Variants in CPQ observed in about 807,000 individuals in gnomAD.
CPQ encodes the protein carboxypeptidase Q.
CPQ carries 37 observed loss-of-function variants against 45.7 expected under a neutral mutation model. That is an observed-to-expected ratio of 0.81 (90% CI 0.62 to 1.07). CPQ has a LOEUF of 1.07. Ranked by LOEUF, CPQ falls within the 50% of genes least tolerant of loss-of-function variation. The pLI, the probability that CPQ is intolerant of heterozygous loss-of-function variation, is 0.00. For synonymous variants in CPQ, 186 were observed against 205.8 expected, an observed-to-expected ratio of 0.90 and a Z score of 0.82; for missense variants, 537 against 572.9, an observed-to-expected ratio of 0.94 and a Z score of 0.64.
intron 2 of CPQ, among the ~76,000 whole-genome samples, chr8:96,791,471 A>G (rs965708240): frequency 2.2e-4 from 34 of 152,102 alleles, no homozygotes; most frequent in African/African-American, 8.2e-4. Flanking sequence ...CCTGCCTGGT[A>G]TTGAAAACTA....
At chr8:96,681,713 G>A (rs1026710092) in intron 1 of CPQ, among the ~76,000 whole-genome samples, 14 of 152,168 alleles carry the variant, frequency 9.2e-5, no homozygotes, top group Non-Finnish European at 1.5e-4. Flanking sequence ...CATGCACCTG[G>A]AAAAGCTGCA....
intron 3 of CPQ, among the ~76,000 whole-genome samples, chr8:96,861,448 T>C (rs1363268228): frequency 6.6e-6 from 1 of 152,040 alleles, no homozygotes; most frequent in East Asian, 1.9e-4. Context: ...GTTTAGGTCA[T>C]TAAGCTTACA....
At chr8:96,689,925 C>T (rs945424335) in intron 1 of CPQ, among the ~76,000 whole-genome samples, 3 of 151,924 alleles carry the variant, frequency 2.0e-5, no homozygotes, top group South Asian at 2.1e-4. Flanking sequence ...AAATTTGTGT[C>T]CTTCATAATT....
chr8:97,080,297 C>G (rs1233871914), intron 7 of CPQ, among the ~76,000 whole-genome samples: 3 of 152,160 alleles, frequency 2.0e-5, no homozygotes, highest in African/African-American at 7.2e-5. Flanking sequence ...ATTAGACATA[C>G]TTAATCTGCT....
intron 1 of CPQ, among the ~76,000 whole-genome samples, chr8:96,661,582 A>G (rs779296290): frequency 2.6e-5 from 4 of 152,086 alleles, no homozygotes; most frequent in Admixed American, 6.6e-5. Context: ...AGTAATATGC[A>G]TTTACTTCTC....
rs555131583 is a variant in CPQ, at chr8:97,137,599, A to G, written c.1256-5421A>G. ...AGCTACTACCAGAGTAAACATACAGATTTGTCTCCCCTGGGTGTGCTGTGA... is the reference window on the plus strand; with the variant it reads ...AGCTACTACCAGAGTAAACATACAGGTTTGTCTCCCCTGGGTGTGCTGTGA... On this transcript the variant is annotated intron_variant, in intron 7 of 7. Coordinates refer to ENST00000220763, the MANE Select transcript of CPQ (RefSeq NM_016134.4). Among the ~76,000 whole-genome samples, 18 of 152,288 alleles carry G rather than the reference A, an allele frequency of 1.2e-4. No homozygotes were observed. The East Asian group carries it at 3.3e-3, about 28-fold the overall frequency.
intron 3 of CPQ, among the ~76,000 whole-genome samples, chr8:96,877,018 A>C (rs928803841): frequency 6.6e-6 from 1 of 152,232 alleles, no homozygotes; most frequent in Non-Finnish European, 1.5e-5. Flanking sequence ...TTAATCTTTA[A>C]ATCTTATTTA....
intron 1 of CPQ, among the ~76,000 whole-genome samples, chr8:96,695,037 C>A (rs1166093757): frequency 2.6e-5 from 4 of 151,418 alleles, no homozygotes; most frequent in Non-Finnish European, 5.9e-5. Flanking sequence ...TGACTTCAAA[C>A]TATACTACAA....
chr8:97,133,266 C>T (rs1811990741), intron 7 of CPQ: 1 of 152,070 alleles, frequency 6.6e-6, no homozygotes, highest in Non-Finnish European at 1.5e-5. Flanking sequence ...CCCAATACTC[C>T]TCATACCTAG....
intron 4 of CPQ, among the ~76,000 whole-genome samples, chr8:96,889,891 C>T (rs1028109150): frequency 9.9e-5 from 15 of 152,212 alleles, no homozygotes; most frequent in Non-Finnish European, 1.9e-4. Flanking sequence ...TGCCTCTTCC[C>T]GTCCACTGAC....
At chr8:96,819,920 G>T (rs1368584289) in intron 2 of CPQ, among the ~76,000 whole-genome samples, 1 of 152,048 alleles carries the variant, frequency 6.6e-6, no homozygotes, top group Non-Finnish European at 1.5e-5. Context: ...TGAAACCTCT[G>T]CTCTTCTCTG....
chr8:96,694,701 T>TA (rs952898281), intron 1 of CPQ, among the ~76,000 whole-genome samples: 2 of 150,380 alleles, frequency 1.3e-5, no homozygotes, highest in Admixed American at 6.6e-5. Flanking sequence ...ATTAGGAAAT[T>TA]AAAAAAAAAT....
chr8:96,970,788 C>A (rs1296359532), intron 5 of CPQ, among the ~76,000 whole-genome samples: 1 of 152,130 alleles, frequency 6.6e-6, no homozygotes. Context: ...TGGTCTCTAT[C>A]TCCTGACCTC....
chr8:96,829,451 C>A (rs1442050759), intron 2 of CPQ, among the ~76,000 whole-genome samples: 1 of 152,028 alleles, frequency 6.6e-6, no homozygotes, highest in Non-Finnish European at 1.5e-5. Context: ...TTTTCCTTTT[C>A]TTCCTGGAAT....
At chr8:96,925,747 T>C (rs1430225347) in intron 4 of CPQ, among the ~76,000 whole-genome samples, 1 of 149,896 alleles carries the variant, frequency 6.7e-6, no homozygotes, top group Non-Finnish European at 1.5e-5. Context: ...TGGAGTGCAG[T>C]GGCGCGATCT....
intron 7 of CPQ, among the ~76,000 whole-genome samples, chr8:97,077,296 G>A (rs1041834532): frequency 4.6e-5 from 7 of 152,170 alleles, no homozygotes; most frequent in African/African-American, 1.7e-4. Context: ...AAGTATGTGA[G>A]AGCCATCACT....
At position 96,760,798 on chromosome 8, in the gene CPQ, C is replaced by T. The variant is rs78220782; in HGVS notation, c.-34-24066C>T. On this transcript the variant is annotated intron_variant, in intron 1 of 7. Coordinates refer to ENST00000220763, the MANE Select transcript of CPQ (RefSeq NM_016134.4). The stretch of plus-strand genomic sequence containing the variant: ...CACATTGGTAAACATCATAATGACA[C>T]GCATATTTAGGAAAATGATGTTTTT... 6.6e-3 allele frequency among the ~76,000 whole-genome samples: 1,002 copies of T among 152,262 alleles called. 27 individuals carry two copies. Among genetic ancestry groups the T allele is most frequent in the Admixed American group, 0.048 (741 of 15,282 alleles).
intron 4 of CPQ, among the ~76,000 whole-genome samples, chr8:96,903,627 A>G (rs1812540423): frequency 6.6e-6 from 1 of 152,160 alleles, no homozygotes; most frequent in Non-Finnish European, 1.5e-5. Context: ...TGCTTTATGT[A>G]TATTTTCTCA....
intron 1 of CPQ, among the ~76,000 whole-genome samples, chr8:96,664,310 G>A (rs1372473705): frequency 1.3e-5 from 2 of 152,174 alleles, no homozygotes; most frequent in Non-Finnish European, 2.9e-5. Context: ...GACTCTATAG[G>A]TAAAGGGATA....
Sources: gnomAD v4.1 joint callset for allele counts (sites outside exome capture counted in the v4.1 genomes callset) on GRCh38, gnomAD v4.1.1 for gene constraint, MANE v1.5 for transcripts, NCBI Gene and HGNC (gene_info 2026-07-23, HGNC 2026-07-21) for gene names.